Variants in FRS2 observed in about 807,000 individuals in gnomAD.
FRS2 encodes fibroblast growth factor receptor substrate 2.
FRS2 carries 8 observed loss-of-function variants against 43.9 expected under a neutral mutation model. The observed-to-expected ratio is 0.18, with a 90% CI of 0.11 to 0.33. FRS2 has a LOEUF of 0.33. Ranked by LOEUF, FRS2 falls within the 10% of genes least tolerant of loss-of-function variation. FRS2 has a pLI of 1.00. For missense variants in FRS2, 534 were observed against 627.6 expected (o/e 0.85, Z 1.59); for synonymous variants, 219 against 220.3 (o/e 0.99, Z 0.05).
intron 1 of FRS2, among the ~76,000 whole-genome samples, chr12:69,527,327 T>G (rs565249717): frequency 0.012 from 1,569 of 132,712 alleles, 8 homozygotes; most frequent in Non-Finnish European, 0.017. Context: ...GGAGCAAAGT[T>G]TTTTTTTTTT....
intron 1 of FRS2, among the ~76,000 whole-genome samples, chr12:69,483,047 C>T (rs1397943059): frequency 6.6e-6 from 1 of 152,176 alleles, no homozygotes; most frequent in Non-Finnish European, 1.5e-5. Context: ...TTGAAGTAGA[C>T]TCACAGGAAG....
At chr12:69,536,002 C>T (rs532732362) in intron 3 of FRS2, among the ~76,000 whole-genome samples, 2 of 147,786 alleles carry the variant, frequency 1.4e-5, no homozygotes, top group South Asian at 2.1e-4. Flanking sequence ...TCTGAACACA[C>T]TTTTAGCCTT....
intron 1 of FRS2, among the ~76,000 whole-genome samples, chr12:69,513,555 A>C (rs1238758540): frequency 1.3e-5 from 2 of 152,206 alleles, no homozygotes; most frequent in Non-Finnish European, 2.9e-5. Context: ...GCAGAGGAGG[A>C]GGAGTGTGCG....
At chr12:69,523,389 G>T (rs1875885135) in intron 1 of FRS2, among the ~76,000 whole-genome samples, 1 of 152,126 alleles carries the variant, frequency 6.6e-6, no homozygotes, top group Admixed American at 6.5e-5. Flanking sequence ...TCTGAAATTA[G>T]GATTGCAACC....
At chr12:69,566,286 C>G (rs188170127) in intron 4 of FRS2, among the ~76,000 whole-genome samples, 3 of 152,166 alleles carry the variant, frequency 2.0e-5, no homozygotes, top group Admixed American at 2.0e-4. Flanking sequence ...GGAGCATCAT[C>G]TTTTGAAGCA....
chr12:69,511,496 G>A (rs1331251641), intron 1 of FRS2, among the ~76,000 whole-genome samples: 3 of 152,040 alleles, frequency 2.0e-5, no homozygotes, highest in Non-Finnish European at 4.4e-5. Flanking sequence ...AATTATAAAA[G>A]CAATAAAAAT....
intron 1 of FRS2, among the ~76,000 whole-genome samples, chr12:69,495,919 ACT>A (rs1872842722): frequency 6.6e-6 from 1 of 151,944 alleles, no homozygotes; most frequent in African/African-American, 2.4e-5. Flanking sequence ...TGACAGCGAG[ACT>A]CTCTCAAAAA....
chr12:69,530,949 T>G lies in FRS2; in HGVS notation c.-176T>G, dbSNP rs554253236. ...TAAAGTAAGATGCAGCTGTGGCATGTCAACCAGCTTGGTAAGTGTGGCCAA... is the reference window on the plus strand; with the variant it reads ...TAAAGTAAGATGCAGCTGTGGCATGGCAACCAGCTTGGTAAGTGTGGCCAA... On this transcript the variant is annotated 5_prime_UTR_variant, in exon 2 of 9. Transcript: ENST00000549921. 5 of 152,380 alleles carry G rather than the reference T, an allele frequency of 3.3e-5. No homozygotes were observed. Among genetic ancestry groups the G allele is most frequent in the African/African-American group, 9.6e-5 (4 of 41,452 alleles). The allele number at this position is 152,380 out of a possible 1,614,324, so 9.4% of individuals were successfully genotyped here.
At chr12:69,472,253 ATTTTTTTT>A (rs3970803) in intron 1 of FRS2, among the ~76,000 whole-genome samples, 4 of 133,316 alleles carry the variant, frequency 3.0e-5, no homozygotes, top group Admixed American at 7.6e-5. Flanking sequence ...CACCTGGCTA[ATTTTTTTT>A]TTTTTTTTTT....
At chr12:69,504,112 A>T (rs1019070373) in intron 1 of FRS2, among the ~76,000 whole-genome samples, 7 of 152,310 alleles carry the variant, frequency 4.6e-5, no homozygotes, top group Non-Finnish European at 7.4e-5. Context: ...TCAACAGAGA[A>T]CAGGAGACAT....
intron 1 of FRS2, among the ~76,000 whole-genome samples, chr12:69,506,184 A>G (rs1336401980): frequency 2.0e-5 from 3 of 152,164 alleles, no homozygotes; most frequent in Non-Finnish European, 4.4e-5. Context: ...TTGAGCATTA[A>G]CACTTCTGGG....
chr12:69,552,046 C>T (rs188765397), intron 3 of FRS2, among the ~76,000 whole-genome samples: 7 of 152,090 alleles, frequency 4.6e-5, no homozygotes, highest in African/African-American at 1.7e-4. Flanking sequence ...TGGCTCATGC[C>T]TGTAATCCCA....
intron 3 of FRS2, among the ~76,000 whole-genome samples, chr12:69,561,174 G>C (rs1166750102): frequency 6.6e-6 from 1 of 152,056 alleles, no homozygotes; most frequent in Non-Finnish European, 1.5e-5. Context: ...TTGAGCTCCT[G>C]GAGAAAAGAA....
intron 4 of FRS2, among the ~76,000 whole-genome samples, chr12:69,564,967 C>G (rs1172325149): frequency 6.6e-6 from 1 of 152,182 alleles, no homozygotes; most frequent in Admixed American, 6.5e-5. Flanking sequence ...GTAGGTTGCA[C>G]TGCCACTCAT....
At chr12:69,520,905 T>C (rs907129774) in intron 1 of FRS2, among the ~76,000 whole-genome samples, 5 of 152,176 alleles carry the variant, frequency 3.3e-5, no homozygotes, top group African/African-American at 9.7e-5. Flanking sequence ...TTGGGCTTTT[T>C]TTGTGGTGGT....
At chr12:69,526,760 G>A (rs1056618522) in intron 1 of FRS2, among the ~76,000 whole-genome samples, 2 of 151,194 alleles carry the variant, frequency 1.3e-5, no homozygotes, top group African/African-American at 2.4e-5. Context: ...GTGTCACTCC[G>A]TCACCCAGGC....
chr12:69,519,606 T>C (rs1875424035), intron 1 of FRS2, among the ~76,000 whole-genome samples: 1 of 152,092 alleles, frequency 6.6e-6, no homozygotes, highest in African/African-American at 2.4e-5. Context: ...CCCCTCTTTG[T>C]GTCCATGTGT....
chr12:69,502,668 T>C (rs1049570375), intron 1 of FRS2, among the ~76,000 whole-genome samples: 7 of 152,220 alleles, frequency 4.6e-5, no homozygotes, highest in Non-Finnish European at 7.3e-5. Context: ...GCTTTCATTA[T>C]GATAAGTGAG....
At chr12:69,570,172 T>G (rs939356472) in intron 5 of FRS2, among the ~76,000 whole-genome samples, 159 bp from the exon 6 acceptor site, 1 of 152,232 alleles carries the variant, frequency 6.6e-6, no homozygotes, top group Non-Finnish European at 1.5e-5. Context: ...GTAAATTTCT[T>G]ACAGATCTGA....
Sources: gnomAD v4.1 joint callset for allele counts (sites outside exome capture counted in the v4.1 genomes callset) on GRCh38, gnomAD v4.1.1 for gene constraint, MANE v1.5 for transcripts, NCBI Gene and HGNC (gene_info 2026-07-23, HGNC 2026-07-21) for gene names.